DOCK2: variants seen among roughly 807,000 people sequenced by gnomAD.
The protein encoded by DOCK2 is dedicator of cytokinesis 2, also known as dedicator of cytokinesis protein 2.
A neutral mutation model predicts 248.9 loss-of-function variants in DOCK2; 87 were observed. The ratio of observed to expected loss-of-function variants is 0.35; its 90% confidence interval spans 0.29 to 0.42. The LOEUF (loss-of-function observed/expected upper bound fraction) is 0.42. Among genes scored for constraint, DOCK2 ranks in the 10% least tolerant of loss-of-function variants. The probability of loss-of-function intolerance (pLI) is 1.00; values close to 1 mark genes in which losing one functional copy is unlikely to be tolerated. For synonymous variants in DOCK2, 805 were observed against 821.6 expected (o/e 0.98, Z 0.35); for missense variants, 1,747 against 2,300.2 (o/e 0.76, Z 4.92).
chr5:169,824,125 T>C (rs1768674763), intron 26 of DOCK2, among the ~76,000 whole-genome samples: 2 of 151,960 alleles, frequency 1.3e-5, no homozygotes, highest in African/African-American at 4.8e-5. Flanking sequence ...TAAAAGAGGA[T>C]ACAAAGAAAT....
chr5:169,986,740 C>T (rs1293943716), intron 29 of DOCK2, among the ~76,000 whole-genome samples: 2 of 152,194 alleles, frequency 1.3e-5, no homozygotes, highest in Admixed American at 1.3e-4. Flanking sequence ...TGGTTCTTCT[C>T]TTTTCTTTCT....
intron 27 of DOCK2, among the ~76,000 whole-genome samples, chr5:169,872,358 A>G (rs754244776): frequency 6.6e-5 from 10 of 152,166 alleles, no homozygotes; most frequent in Admixed American, 2.0e-4. Flanking sequence ...GATCACAGGA[A>G]CTTTAGTTTG....
intron 48 of DOCK2, 91 bp from the exon 49 acceptor site, chr5:170,078,884 C>G: frequency 6.7e-7 from 1 of 1,482,264 alleles, no homozygotes; most frequent in South Asian, 1.2e-5. Flanking sequence ...TCAGGCAGCC[C>G]AAAGGTCCCC....
chr5:169,662,683 C>T (rs548968343), intron 2 of DOCK2, among the ~76,000 whole-genome samples: 2 of 152,144 alleles, frequency 1.3e-5, no homozygotes, highest in African/African-American at 2.4e-5. Context: ...AAGTGCCATA[C>T]GTTTAAACCA....
intron 26 of DOCK2, among the ~76,000 whole-genome samples, chr5:169,804,003 G>A (rs1767153387): frequency 6.6e-6 from 1 of 152,182 alleles, no homozygotes; most frequent in Non-Finnish European, 1.5e-5. Flanking sequence ...AGATGGGACT[G>A]GCTTCAGAGG....
chr5:169,913,505 G>C (rs1774716196), intron 27 of DOCK2, among the ~76,000 whole-genome samples: 1 of 152,188 alleles, frequency 6.6e-6, no homozygotes, highest in South Asian at 2.1e-4. Flanking sequence ...TCTTTGACTT[G>C]TTGGGAGATG....
chr5:169,770,469 A>T lies in DOCK2; in HGVS notation c.2554+8844A>T, dbSNP rs550250336. Among the ~76,000 whole-genome samples the T allele has an allele frequency of 1.0e-3, 133 of 129,274 alleles. 1 individual carries two copies. The highest frequency in any genetic ancestry group is 4.0e-3 in the Middle Eastern group (1 of 248). 84.8% of individuals were successfully genotyped at this position (129,274 alleles called of 152,430 possible). On this transcript the variant is annotated intron_variant, in intron 25 of 51. Coordinates refer to ENST00000520908, the MANE Select transcript of DOCK2 (RefSeq NM_004946.3). Reference sequence around the variant, plus strand: ...ACCACCATGTCTGGTGAAGTTTTTTAAAAAAAACTTTGTAGAGATAGGGTC... The same window carrying T: ...ACCACCATGTCTGGTGAAGTTTTTTTAAAAAAACTTTGTAGAGATAGGGTC...
At chr5:169,892,502 G>C (rs1581370156) in intron 27 of DOCK2, among the ~76,000 whole-genome samples, 1 of 152,236 alleles carries the variant, frequency 6.6e-6, no homozygotes, top group Non-Finnish European at 1.5e-5. Context: ...GGCCCACCTG[G>C]TTCCAGCTCA....
At chr5:169,901,019 C>G (rs1773890510) in intron 27 of DOCK2, among the ~76,000 whole-genome samples, 1 of 152,216 alleles carries the variant, frequency 6.6e-6, no homozygotes, top group Non-Finnish European at 1.5e-5. Flanking sequence ...AACAAACATC[C>G]AAGTAAACAT....
At chr5:169,824,464 T>A (rs1032452690) in intron 26 of DOCK2, among the ~76,000 whole-genome samples, 2 of 152,060 alleles carry the variant, frequency 1.3e-5, no homozygotes, top group Admixed American at 6.6e-5. Context: ...TCAGAAATAA[T>A]ACCACACATC....
chr5:169,675,284 A>G (rs1759269093), intron 6 of DOCK2, among the ~76,000 whole-genome samples: 2 of 152,272 alleles, frequency 1.3e-5, no homozygotes, highest in African/African-American at 4.8e-5. Flanking sequence ...TGCTACTTGG[A>G]TAGCATTTGA....
chr5:169,760,521 T>A (rs770916876), intron 24 of DOCK2, among the ~76,000 whole-genome samples: 1 of 152,238 alleles, frequency 6.6e-6, no homozygotes, highest in Non-Finnish European at 1.5e-5. Context: ...AGTTTTTTCA[T>A]GGATGTCCTT....
At chr5:169,819,269 C>T (rs1459122046) in intron 26 of DOCK2, among the ~76,000 whole-genome samples, 2 of 152,172 alleles carry the variant, frequency 1.3e-5, no homozygotes, top group African/African-American at 4.8e-5. Flanking sequence ...AAGATCACGC[C>T]ATTGCACTCC....
intron 22 of DOCK2, among the ~76,000 whole-genome samples, chr5:169,732,520 A>C (rs1463159767): frequency 6.6e-6 from 1 of 152,164 alleles, no homozygotes; most frequent in East Asian, 1.9e-4. Flanking sequence ...GGCAACTCAA[A>C]GTTAGCACAT....
At chr5:169,664,024 T>C (rs1410188485) in intron 2 of DOCK2, among the ~76,000 whole-genome samples, 1 of 152,258 alleles carries the variant, frequency 6.6e-6, no homozygotes, top group Non-Finnish European at 1.5e-5. Context: ...TAATTTCCAA[T>C]TTCAGACCAT....
chr5:169,662,804 T>C (rs1222138679), intron 2 of DOCK2, among the ~76,000 whole-genome samples: 2 of 152,160 alleles, frequency 1.3e-5, no homozygotes. Flanking sequence ...GGGATTACAA[T>C]TTGAGATGAG....
Position 169,769,619 on chromosome 5 carries a change from T to C in DOCK2, c.2554+7994T>C, listed in dbSNP as rs114391119. Among the ~76,000 whole-genome samples the C allele has an allele frequency of 1.0e-2, 1,520 of 152,360 alleles. 26 individuals are homozygous for C. Among genetic ancestry groups the C allele is most frequent in the African/African-American group, 0.035 (1,444 of 41,580 alleles). On this transcript the variant is annotated intron_variant, in intron 25 of 51. Coordinates refer to ENST00000520908, the MANE Select transcript of DOCK2 (RefSeq NM_004946.3). ...GGAGTTTGCTAAAATTGCAGAATCC[T>C]GGACCCTACTCCAAAGATTCTGACT...
chr5:169,893,440 A>G (rs1336288688), intron 27 of DOCK2, among the ~76,000 whole-genome samples: 1 of 145,008 alleles, frequency 6.9e-6, no homozygotes, highest in Non-Finnish European at 1.5e-5. Context: ...TTTTCAATCC[A>G]TTTGTTTTTC....
At chr5:169,647,643 C>G (rs1484163748) in intron 1 of DOCK2, among the ~76,000 whole-genome samples, 2 of 152,232 alleles carry the variant, frequency 1.3e-5, no homozygotes, top group Middle Eastern at 3.4e-3. Flanking sequence ...TGCCATTCAT[C>G]CCTCACACAT....
Sources: allele counts gnomAD v4.1 joint callset (sites outside exome capture counted in the v4.1 genomes callset), GRCh38; gene constraint gnomAD v4.1.1; transcripts MANE v1.5; gene names NCBI Gene and HGNC (gene_info 2026-07-23, HGNC 2026-07-21).